The following THSD7B variants were observed in gnomAD, a reference collection of about 807,000 sequenced individuals.
THSD7B encodes the protein thrombospondin type 1 domain containing 7B.
A neutral mutation model predicts 213.6 loss-of-function variants in THSD7B; 138 were observed. The ratio of observed to expected loss-of-function variants is 0.65; its 90% CI spans 0.56 to 0.74. The LOEUF is 0.74. Among genes scored for constraint, THSD7B ranks in the 30% least tolerant of loss-of-function variants. The pLI is 0.00. For synonymous variants in THSD7B, 742 were observed against 687.0 expected (o/e 1.08, Z -1.25); for missense variants, 1,931 against 1,991.5 (o/e 0.97, Z 0.58).
At chr2:137,263,460 G>A (rs556252650) in intron 10 of THSD7B, among the ~76,000 whole-genome samples, 24 of 152,186 alleles carry the variant, frequency 1.6e-4, no homozygotes, top group Admixed American at 1.4e-3. Context: ...AATGAGATGG[G>A]ATTAGAAATC....
chr2:137,421,886 A>G (rs894166270), intron 14 of THSD7B, among the ~76,000 whole-genome samples: 2 of 152,238 alleles, frequency 1.3e-5, no homozygotes, highest in Admixed American at 6.5e-5. Flanking sequence ...ACACCAATAT[A>G]AATCGTAACA....
At chr2:136,960,597 G>C (rs1685200055) in intron 2 of THSD7B, among the ~76,000 whole-genome samples, 1 of 152,138 alleles carries the variant, frequency 6.6e-6, no homozygotes, top group African/African-American at 2.4e-5. Flanking sequence ...CTTCAAAACT[G>C]TTTCTGAGAA....
chr2:136,921,418 T>C lies in THSD7B; in HGVS notation c.139+39101T>C, dbSNP rs1684436571. On this transcript the variant is annotated intron_variant, in intron 2 of 27. Transcript: ENST00000409968. ...AGCTGGGACTACAGACACACACCAT[T>C]GCAACCCACCATACAAGCCTGTGTC... 2.6e-5 allele frequency among the ~76,000 whole-genome samples: 4 copies of C among 151,586 alleles called. No individual in the cohort carries two copies. In the South Asian group the frequency reaches 8.4e-4, roughly 32 times the overall value.
chr2:137,076,685 G>C (rs963200878), intron 3 of THSD7B, among the ~76,000 whole-genome samples: 2 of 152,174 alleles, frequency 1.3e-5, no homozygotes, highest in African/African-American at 4.8e-5. Flanking sequence ...CGTCACTCAC[G>C]CTGGGAGCTG....
intron 5 of THSD7B, among the ~76,000 whole-genome samples, chr2:137,135,409 C>T (rs997091183): frequency 3.3e-5 from 5 of 152,164 alleles, no homozygotes; most frequent in South Asian, 4.1e-4. Context: ...AAAACATGTA[C>T]TCATTGGAGA....
At chr2:136,847,936 C>T (rs903743087) in intron 1 of THSD7B, among the ~76,000 whole-genome samples, 7 of 152,106 alleles carry the variant, frequency 4.6e-5, no homozygotes, top group African/African-American at 1.7e-4. Context: ...AAAACATTTG[C>T]CAAGATTCCA....
rs142142296 is a variant in THSD7B, at chr2:137,040,639, C to T, written c.140-15781C>T. On this transcript the variant is annotated intron_variant, in intron 2 of 27. Coordinates refer to ENST00000409968, the MANE Select transcript of THSD7B (RefSeq NM_001316349.2). ...CGAACTCCTGATCTCGTGATCCACC[C>T]GCCTTGGCATCCCAAAATGCTGGGA... Among the ~76,000 whole-genome samples the T allele has an allele frequency of 1.9e-3, 284 of 152,162 alleles. 4 individuals are homozygous for T. The highest frequency in any genetic ancestry group is 0.014 in the East Asian group (71 of 5,156).
chr2:137,151,153 T>C (rs1679811092), intron 5 of THSD7B, among the ~76,000 whole-genome samples: 1 of 152,174 alleles, frequency 6.6e-6, no homozygotes, highest in Non-Finnish European at 1.5e-5. Flanking sequence ...AAATTAATCT[T>C]AGCTTAATTT....
chr2:137,664,095 C>G (rs1683403604), intron 26 of THSD7B, among the ~76,000 whole-genome samples: 1 of 152,172 alleles, frequency 6.6e-6, no homozygotes, highest in South Asian at 2.1e-4. Context: ...TCAAATGACC[C>G]TCCCGCCTTG....
chr2:137,495,486 C>T lies in THSD7B; in HGVS notation c.3138+44463C>T, dbSNP rs1024602746. ...CCTGGGGTTTACACCCTCAGTCTTA[C>T]GGAAGTGTTCTTCTCAATGCAAATA... On this transcript the variant is annotated intron_variant, in intron 15 of 27. Transcript: ENST00000409968. Among the ~76,000 whole-genome samples the T allele has an allele frequency of 3.3e-5, 5 of 152,198 alleles. No homozygotes were observed. In the East Asian group the frequency reaches 5.8e-4, roughly 18 times the overall value.
At chr2:137,473,137 A>T (rs1374171683) in intron 15 of THSD7B, among the ~76,000 whole-genome samples, 1 of 151,614 alleles carries the variant, frequency 6.6e-6, no homozygotes, top group Non-Finnish European at 1.5e-5. Context: ...TTCAGGAAAA[A>T]TTATCCACTA....
chr2:137,117,010 G>C (rs749658978), intron 5 of THSD7B, among the ~76,000 whole-genome samples: 1 of 152,136 alleles, frequency 6.6e-6, no homozygotes, highest in Non-Finnish European at 1.5e-5. Flanking sequence ...GCTGGATGTG[G>C]GACCTGGATG....
chr2:137,661,150 T>G lies in THSD7B; in HGVS notation c.4458+1404T>G, dbSNP rs16839284. Among the ~76,000 whole-genome samples, 1,380 of 152,272 alleles carry G rather than the reference T, an allele frequency of 9.1e-3. 30 individuals are homozygous for G. Among genetic ancestry groups the G allele is most frequent in the African/African-American group, 0.031 (1,302 of 41,558 alleles). Reference sequence around the variant, plus strand: ...ATCTTATGCTTATTCTCTTCCACTCTTCTCTATTGTCTGTATACTTGCTGG... The same window carrying G: ...ATCTTATGCTTATTCTCTTCCACTCGTCTCTATTGTCTGTATACTTGCTGG... On this transcript the variant is annotated intron_variant, in intron 25 of 27. Coordinates refer to ENST00000409968, the MANE Select transcript of THSD7B (RefSeq NM_001316349.2).
intron 12 of THSD7B, among the ~76,000 whole-genome samples, chr2:137,310,847 C>T (rs1232256614): frequency 6.6e-6 from 1 of 152,056 alleles, no homozygotes; most frequent in Non-Finnish European, 1.5e-5. Flanking sequence ...GGGCTCTGTT[C>T]CCTTCCATTG....
intron 27 of THSD7B, among the ~76,000 whole-genome samples, chr2:137,673,191 C>T (rs953774671): frequency 1.3e-5 from 2 of 152,216 alleles, no homozygotes; most frequent in Admixed American, 6.5e-5. Context: ...TGTCAGTCCA[C>T]AATGAGCTCA....
chr2:137,071,379 C>A (rs1330390235), intron 3 of THSD7B, among the ~76,000 whole-genome samples: 2 of 152,082 alleles, frequency 1.3e-5, no homozygotes, highest in African/African-American at 2.4e-5. Context: ...CTGTTCATAT[C>A]CTTTGCCCAC....
chr2:137,486,811 A>G (rs1274758803), intron 15 of THSD7B, among the ~76,000 whole-genome samples: 1 of 152,206 alleles, frequency 6.6e-6, no homozygotes, highest in Non-Finnish European at 1.5e-5. Context: ...CCACAGTGCA[A>G]TCAAACTAGA....
chr2:137,590,762 A>G (rs1275237886), intron 17 of THSD7B, among the ~76,000 whole-genome samples: 1 of 119,186 alleles, frequency 8.4e-6, no homozygotes, highest in East Asian at 2.3e-4. Context: ...TGTAAAATAC[A>G]TTTTGCATTT....
chr2:137,340,540 CT>C (rs1431568331), intron 12 of THSD7B, among the ~76,000 whole-genome samples: 2 of 151,962 alleles, frequency 1.3e-5, no homozygotes, highest in South Asian at 4.1e-4. Flanking sequence ...CATATTCCTT[CT>C]GTTTAACTGA....
Sources: gnomAD v4.1 joint callset for allele counts (sites outside exome capture counted in the v4.1 genomes callset) on GRCh38, gnomAD v4.1.1 for gene constraint, MANE v1.5 for transcripts, NCBI Gene and HGNC (gene_info 2026-07-23, HGNC 2026-07-21) for gene names.